XKR4: variants seen among roughly 807,000 people sequenced by gnomAD.
XKR4 encodes the protein XK-related protein 4.
A neutral mutation model predicts 53.9 loss-of-function variants in XKR4; 12 were observed. That is an observed-to-expected ratio of 0.22 (90% confidence interval 0.14 to 0.36). The LOEUF (loss-of-function observed/expected upper bound fraction) is 0.36. Ranked by LOEUF, XKR4 falls within the 10% of genes least tolerant of loss-of-function variation. The pLI is 1.00. For missense variants in XKR4, 799 were observed against 859.5 expected (o/e 0.93, Z 0.88); for synonymous variants, 354 against 362.4 (o/e 0.98, Z 0.26).
chr8:55,223,397 CTG>C (rs764518930), intron 1 of XKR4, among the ~76,000 whole-genome samples: 1 of 152,164 alleles, frequency 6.6e-6, no homozygotes, highest in Non-Finnish European at 1.5e-5. Context: ...ATATGGGACA[CTG>C]TGGAAACTTA....
chr8:55,280,180 A>G (rs952182109), intron 1 of XKR4, among the ~76,000 whole-genome samples: 2 of 152,222 alleles, frequency 1.3e-5, no homozygotes, highest in Non-Finnish European at 2.9e-5. Context: ...ATCCCTGACC[A>G]AACGTTGTGT....
intron 1 of XKR4, among the ~76,000 whole-genome samples, chr8:55,159,855 T>G (rs114021089): frequency 6.6e-6 from 1 of 152,222 alleles, no homozygotes; most frequent in Non-Finnish European, 1.5e-5. Flanking sequence ...TCTGTGGTCC[T>G]GGCTGCATAG....
intron 2 of XKR4, chr8:55,452,871 G>A (rs1585581334): frequency 1.3e-6 from 1 of 775,072 alleles, no homozygotes; most frequent in Non-Finnish European, 2.3e-6. Context: ...GCTGTCCAGA[G>A]GCAGCAGGAG....
intron 2 of XKR4, chr8:55,517,296 T>A (rs1018593667): frequency 1.8e-3 from 4 of 2,258 alleles, no homozygotes; most frequent in Non-Finnish European, 3.4e-3. Flanking sequence ...AAAATTAAAG[T>A]TTTTTTTTAA....
Position 55,446,144 on chromosome 8 carries a change from G to A in XKR4, c.1007-77137G>A, listed in dbSNP as rs150975372. Among the ~76,000 whole-genome samples the A allele has an allele frequency of 3.0e-3, 429 of 145,010 alleles. 2 individuals carry two copies. Among genetic ancestry groups the A allele is most frequent in the African/African-American group, 0.01 (408 of 39,810 alleles). On this transcript the variant is annotated intron_variant, in intron 2 of 2. Coordinates refer to ENST00000327381, the MANE Select transcript of XKR4 (RefSeq NM_052898.2). ...TCAGCCCCCACCCTGAAACTATAGC[G>A]TTATTCCCAGGAAGGCAGAAAAAAT...
At chr8:55,143,218 G>T (rs1374886411) in intron 1 of XKR4, among the ~76,000 whole-genome samples, 1 of 152,260 alleles carries the variant, frequency 6.6e-6, no homozygotes, top group African/African-American at 2.4e-5. Context: ...GTGCTGCTCT[G>T]ATCATTTGAA....
intron 1 of XKR4, among the ~76,000 whole-genome samples, chr8:55,150,044 C>T (rs560923650): frequency 2.2e-4 from 34 of 152,302 alleles, no homozygotes; most frequent in African/African-American, 8.2e-4. Flanking sequence ...TGTATCATCC[C>T]AGACAAATCA....
At chr8:55,159,890 A>C (rs898647077) in intron 1 of XKR4, among the ~76,000 whole-genome samples, 3 of 152,176 alleles carry the variant, frequency 2.0e-5, no homozygotes, top group African/African-American at 7.2e-5. Context: ...TCAAGTAGTG[A>C]TGTGGTAGGA....
intron 1 of XKR4, chr8:55,142,059 C>T: frequency 2.2e-6 from 1 of 455,804 alleles, no homozygotes; most frequent in Non-Finnish European, 4.4e-6. Context: ...CCCCCAACAG[C>T]CTTGCAGCCT....
intron 1 of XKR4, among the ~76,000 whole-genome samples, chr8:55,144,952 C>T (rs1175460572): frequency 6.6e-6 from 1 of 152,034 alleles, no homozygotes; most frequent in African/African-American, 2.4e-5. Context: ...CTGCCTCAGC[C>T]TCCCAAGTAG....
chr8:55,317,389 G>A (rs1819493410), intron 1 of XKR4, among the ~76,000 whole-genome samples: 1 of 152,094 alleles, frequency 6.6e-6, no homozygotes, highest in Non-Finnish European at 1.5e-5. Context: ...GATTTATTGT[G>A]TCTTTTTGAG....
intron 2 of XKR4, among the ~76,000 whole-genome samples, chr8:55,502,718 T>G (rs1418213055): frequency 6.6e-6 from 1 of 152,202 alleles, no homozygotes; most frequent in Non-Finnish European, 1.5e-5. Flanking sequence ...AAGATTTACA[T>G]TTTGATGAAG....
intron 2 of XKR4, among the ~76,000 whole-genome samples, chr8:55,489,941 G>A (rs1468775123): frequency 6.6e-6 from 1 of 152,042 alleles, no homozygotes; most frequent in East Asian, 1.9e-4. Context: ...CCCAGCCTTT[G>A]TGCTATTGCC....
At chr8:55,273,142 C>CTGTG (rs5891567) in intron 1 of XKR4, among the ~76,000 whole-genome samples, 4,377 of 147,510 alleles carry the variant, frequency 0.03, 193 homozygotes, top group African/African-American at 0.097. Context: ...GAAAAGAGGA[C>CTGTG]TGTGTGTGTG....
At chr8:55,413,188 C>T (rs1192378125) in intron 2 of XKR4, among the ~76,000 whole-genome samples, 1 of 152,176 alleles carries the variant, frequency 6.6e-6, no homozygotes, top group African/African-American at 2.4e-5. Context: ...AAATTAGTTG[C>T]TCTATTGATC....
At chr8:55,135,953 G>T (rs186264790) in intron 1 of XKR4, among the ~76,000 whole-genome samples, 1 of 151,696 alleles carries the variant, frequency 6.6e-6, no homozygotes, top group African/African-American at 2.4e-5. Flanking sequence ...GAGTGCAGTG[G>T]CACGATCTTG....
chr8:55,319,014 T>C (rs1803164543), intron 1 of XKR4, among the ~76,000 whole-genome samples: 1 of 152,240 alleles, frequency 6.6e-6, no homozygotes, highest in South Asian at 2.1e-4. Context: ...GTGCCTCCCA[T>C]GAAATCATAA....
At chr8:55,109,991 C>T (rs1199902176) in intron 1 of XKR4, among the ~76,000 whole-genome samples, 1 of 152,168 alleles carries the variant, frequency 6.6e-6, no homozygotes, top group Non-Finnish European at 1.5e-5. Flanking sequence ...ACTGATTCTC[C>T]TTCACATGGA....
chr8:55,150,635 C>T (rs571301942), intron 1 of XKR4, among the ~76,000 whole-genome samples: 1 of 152,274 alleles, frequency 6.6e-6, no homozygotes, highest in East Asian at 1.9e-4. Flanking sequence ...CTCCTCCTCA[C>T]CCTGGAAAAT....
Sources: gnomAD v4.1 joint callset for allele counts (sites outside exome capture counted in the v4.1 genomes callset) on GRCh38, gnomAD v4.1.1 for gene constraint, MANE v1.5 for transcripts, NCBI Gene and HGNC (gene_info 2026-07-23, HGNC 2026-07-21) for gene names.